Variants in ARNT observed in about 807,000 individuals in gnomAD.
ARNT encodes aryl hydrocarbon receptor nuclear translocator, also known as class E basic helix-loop-helix protein 2.
In ARNT, 30 loss-of-function variants were observed where a neutral mutation model predicts 105.0. The ratio of observed to expected loss-of-function variants is 0.29; its 90% CI spans 0.21 to 0.39. ARNT has a LOEUF of 0.39. ARNT is among the 10% of genes least tolerant of loss of function. The pLI is 1.00. For synonymous variants in ARNT, 304 were observed against 344.0 expected, an observed-to-expected ratio of 0.88 and a Z score of 1.29; for missense variants, 748 against 978.7, an observed-to-expected ratio of 0.76 and a Z score of 3.15.
chr1:150,813,915 C>T (rs911471652), intron 20 of ARNT, among the ~76,000 whole-genome samples, 162 bp downstream of exon 20: 9 of 152,142 alleles, frequency 5.9e-5, no homozygotes, highest in African/African-American at 2.2e-4. Flanking sequence ...CGTGAGCCAC[C>T]GCACCCAGCT....
intron 7 of ARNT, among the ~76,000 whole-genome samples, chr1:150,835,974 A>T (rs1175566080): frequency 1.3e-5 from 2 of 152,216 alleles, no homozygotes; most frequent in African/African-American, 4.8e-5. Flanking sequence ...CAAATGAGAT[A>T]AAAACATGGA....
At chr1:150,823,849 CTTTT>C (rs1243886298) in intron 13 of ARNT, among the ~76,000 whole-genome samples, 3 of 123,008 alleles carry the variant, frequency 2.4e-5, no homozygotes, top group African/African-American at 9.1e-5. Flanking sequence ...CGTGCCCAGA[CTTTT>C]TTTTTTTTGA....
In ARNT at chr1:150,821,445, G is replaced by A. The variant is rs115468728; in HGVS notation, c.1394+1749C>T. Among the ~76,000 whole-genome samples the A allele has an allele frequency of 3.3e-3, 498 of 152,320 alleles. 2 individuals carry two copies. The highest frequency in any genetic ancestry group is 0.011 in the African/African-American group (477 of 41,572). ...TGGAGTGAATTGCTCATGAAGAGATGATTAGCATCACACAGCATTTTAAGC... is the reference window on the plus strand; with the variant it reads ...TGGAGTGAATTGCTCATGAAGAGATAATTAGCATCACACAGCATTTTAAGC... On this transcript the variant is annotated intron_variant, in intron 14 of 21. Coordinates refer to ENST00000358595, the MANE Select transcript of ARNT (RefSeq NM_001668.4).
At chr1:150,832,251 C>A in intron 9 of ARNT, 83 bp downstream of exon 9, 1 of 1,440,702 alleles carries the variant, frequency 6.9e-7, no homozygotes, top group South Asian at 1.2e-5. Flanking sequence ...GCTGAAGGAA[C>A]GACTACAGTA....
intron 19 of ARNT, 111 bp from the exon 20 acceptor site, chr1:150,814,350 T>A: frequency 9.8e-7 from 1 of 1,021,786 alleles, no homozygotes; most frequent in Non-Finnish European, 1.4e-6. Context: ...TGAACCAAGC[T>A]CATCACTTAT....
chr1:150,846,418 G>T, intron 3 of ARNT, 111 bp from the exon 4 acceptor site: 1 of 1,028,918 alleles, frequency 9.7e-7, no homozygotes, highest in Non-Finnish European at 1.4e-6. Context: ...AAAGCCAATG[G>T]AAAAGCATCA....
chr1:150,826,645 T>C (rs769977222), intron 12 of ARNT, 28 bp from the exon 13 acceptor site: 6 of 1,543,818 alleles, frequency 3.9e-6, no homozygotes, highest in East Asian at 2.3e-5. Flanking sequence ...GAGTAAGATA[T>C]ATACTTTTTT....
At chr1:150,833,406 C>T (rs934976768) in intron 8 of ARNT, among the ~76,000 whole-genome samples, 3 of 152,196 alleles carry the variant, frequency 2.0e-5, no homozygotes, top group East Asian at 1.9e-4. Context: ...GCATGAGAAT[C>T]GCTTGAACCC....
chr1:150,873,330 T>G (rs913049036), intron 1 of ARNT, among the ~76,000 whole-genome samples: 39 of 151,424 alleles, frequency 2.6e-4, no homozygotes, highest in African/African-American at 9.5e-4. Flanking sequence ...ACAAAACTTG[T>G]CTAGTCCATA....
At position 150,816,810 on chromosome 1, in the gene ARNT, G is replaced by T. The variant is rs1197250214; in HGVS notation, c.1780C>A (p.Pro594Thr). The change falls in exon 18 of 22, where the codon CCC becomes ACC. Residue 594 changes from proline to threonine, a missense_variant. Pro to Thr is a conservative substitution (Grantham distance 38). Around this residue, in one of 4 missense-constraint regions of ARNT, gnomAD observed 360 missense variants for 411.9 expected, o/e 0.87. Transcript: ENST00000358595. ...CACCTGAAATTCTCTGCCGGCCGGGGGGTAGGAGGGAATGTGTTGCCCTGG... is the reference window on the plus strand; with the variant it reads ...CACCTGAAATTCTCTGCCGGCCGGGTGGTAGGAGGGAATGTGTTGCCCTGG... ...FSQGNTFPPTPRPAENFRNSG... is the reference protein window; with the variant it reads ...FSQGNTFPPTTRPAENFRNSG... 3.2e-6 allele frequency: 5 copies of T among 1,585,596 alleles called. No homozygotes were observed. The highest frequency in any genetic ancestry group is 4.3e-6 in the Non-Finnish European group (5 of 1,173,024).
chr1:150,837,401 A>G (rs1245336720), intron 6 of ARNT, among the ~76,000 whole-genome samples: 1 of 152,226 alleles, frequency 6.6e-6, no homozygotes, highest in African/African-American at 2.4e-5. Context: ...AACAGCATAC[A>G]TATATTTTTA....
intron 6 of ARNT, among the ~76,000 whole-genome samples, chr1:150,837,179 G>C (rs1024317174): frequency 6.6e-6 from 1 of 151,894 alleles, no homozygotes; most frequent in Non-Finnish European, 1.5e-5. Context: ...TTTCCCTTCA[G>C]GCCTATAAAA....
intron 2 of ARNT, among the ~76,000 whole-genome samples, chr1:150,853,975 A>C (rs895496277): frequency 2.6e-5 from 4 of 152,170 alleles, no homozygotes; most frequent in African/African-American, 9.7e-5. Context: ...TACAGCATCA[A>C]TCCTGAAAGT....
chr1:150,833,888 C>A (rs1270422909), intron 8 of ARNT, among the ~76,000 whole-genome samples: 2 of 151,072 alleles, frequency 1.3e-5, no homozygotes, highest in African/African-American at 4.9e-5. Context: ...AAACAAAATC[C>A]TGTATCAAAC....
Position 150,861,327 on chromosome 1 carries a change from C to T in ARNT, c.26-2867G>A, listed in dbSNP as rs1306248486. On this transcript the variant is annotated intron_variant, in intron 1 of 21. Transcript: ENST00000358595. ...GCTGGGAAACACAGCAAGACAACAT[C>T]GCAAAAAAAAAATTAAATTAAAAAT... 1.5e-5 allele frequency: 6 copies of T among 393,640 alleles called. No individual in the cohort carries two copies. The East Asian group carries it at 2.5e-4, about 16-fold the overall frequency. The allele number at this position is 393,640 out of a possible 1,614,324, so 24.4% of individuals were successfully genotyped here. A position where few individuals can be genotyped will look rare whatever the true frequency, so the allele number is the denominator to read the frequency against.
At chr1:150,857,577 A>C (rs1664856462) in intron 2 of ARNT, among the ~76,000 whole-genome samples, 1 of 152,212 alleles carries the variant, frequency 6.6e-6, no homozygotes, top group Admixed American at 6.5e-5. Flanking sequence ...TTAGCTGCAC[A>C]ATTTTTAAAA....
chr1:150,813,930 G>A (rs770667352), intron 20 of ARNT, 147 bp downstream of exon 20: 3 of 1,135,042 alleles, frequency 2.6e-6, no homozygotes, highest in South Asian at 3.0e-5. Context: ...CCAGCTGGTA[G>A]GTTTTAAATT....
At chr1:150,846,419 A>C (rs1465957052) in intron 3 of ARNT, 112 bp from the exon 4 acceptor site, 1 of 1,017,612 alleles carries the variant, frequency 9.8e-7, no homozygotes, top group Non-Finnish European at 1.5e-6. Context: ...AAGCCAATGG[A>C]AAAGCATCAC....
chr1:150,829,297 T>C (rs1217109064), intron 11 of ARNT, 70 bp from the exon 12 acceptor site: 3 of 1,501,888 alleles, frequency 2.0e-6, no homozygotes, highest in Admixed American at 1.8e-5. Flanking sequence ...TATCTCCTCA[T>C]GGTCTTTTGC....
Sources: allele counts gnomAD v4.1 joint callset (sites outside exome capture counted in the v4.1 genomes callset), GRCh38; gene constraint gnomAD v4.1.1; regional missense constraint gnomAD v4.1.1; transcripts MANE v1.5; gene names NCBI Gene and HGNC (gene_info 2026-07-23, HGNC 2026-07-21).